Variants in COPB2 observed in about 807,000 individuals in gnomAD.
COPB2 encodes the protein coatomer subunit beta'.
A neutral mutation model predicts 120.8 loss-of-function variants in COPB2; 16 were observed. That is an observed-to-expected ratio of 0.13 (90% CI 0.09 to 0.20). The LOEUF (loss-of-function observed/expected upper bound fraction) is 0.20. Among genes scored for constraint, COPB2 ranks in the 10% least tolerant of loss-of-function variants. The pLI is 1.00. For missense variants in COPB2, 794 were observed against 1,076.5 expected, an observed-to-expected ratio of 0.74 and a Z score of 3.67; for synonymous variants, 332 against 366.3, an observed-to-expected ratio of 0.91 and a Z score of 1.07.
At chr3:139,389,422 C>T in intron 1 of COPB2, 126 bp downstream of exon 1, 1 of 1,339,620 alleles carries the variant, frequency 7.5e-7, no homozygotes, top group South Asian at 2.1e-5. Context: ...CAAGACCCCG[C>T]AAGGCCTGAG....
At position 139,361,297 on chromosome 3, in the gene COPB2, T is replaced by C. The variant is rs1266904698; in HGVS notation, c.1996-2A>G. The C allele has an allele frequency of 6.2e-7, 1 of 1,611,766 alleles. No homozygotes were observed. Among genetic ancestry groups the C allele is most frequent in the Non-Finnish European group, 8.5e-7 (1 of 1,178,528 alleles). ...AAGTTGTTTCCACTTCTGTTCTGAC[T>C]GTAAGAAAAGAGTTTCCAAGTTAAA... On this transcript the variant is annotated splice_acceptor_variant, in intron 16 of 21. Coordinates refer to ENST00000333188, the MANE Select transcript of COPB2 (RefSeq NM_004766.3). LOFTEE classifies it high-confidence loss of function.
chr3:139,368,358 G>C (rs1369920305), intron 12 of COPB2, 70 bp from the exon 13 acceptor site: 3 of 1,450,320 alleles, frequency 2.1e-6, no homozygotes, highest in Non-Finnish European at 2.8e-6. Context: ...GCACATACTT[G>C]GTTTCTTACA....
chr3:139,375,442 G>A, intron 6 of COPB2, 26 bp downstream of exon 6: 1 of 1,598,330 alleles, frequency 6.3e-7, no homozygotes, highest in South Asian at 1.1e-5. Flanking sequence ...TCTAACATAT[G>A]GAAGTAAGGT....
intron 12 of COPB2, 132 bp downstream of exon 12, chr3:139,369,129 G>C: frequency 1.6e-6 from 1 of 615,296 alleles, no homozygotes; most frequent in Non-Finnish European, 2.8e-6. Flanking sequence ...TCTAAGTGCT[G>C]TTTTATATTT....
At chr3:139,388,367 T>G (rs1207018059) in intron 1 of COPB2, 2 of 129,854 alleles carry the variant, frequency 1.5e-5, no homozygotes, top group African/African-American at 5.7e-5. Context: ...ATATTTTTTA[T>G]AAAACAAATT....
At chr3:139,358,667 C>G in intron 20 of COPB2, 77 bp downstream of exon 20, 2 of 1,049,442 alleles carry the variant, frequency 1.9e-6, no homozygotes, top group Non-Finnish European at 2.9e-6. Context: ...GGCAATGGAG[C>G]GAAACTCTGT....
At chr3:139,361,947 G>A (rs1031554329) in intron 16 of COPB2, among the ~76,000 whole-genome samples, 6 of 152,188 alleles carry the variant, frequency 3.9e-5, no homozygotes, top group Admixed American at 3.3e-4. Context: ...GCTGCTGAAG[G>A]TGAGTGCCAC....
At chr3:139,379,553 T>G in intron 2 of COPB2, 87 bp from the exon 3 acceptor site, 1 of 1,051,344 alleles carries the variant, frequency 9.5e-7, no homozygotes, top group Non-Finnish European at 1.4e-6. Context: ...ATCCAATTTT[T>G]AAGATCACTT....
chr3:139,374,319 TG>T, intron 7 of COPB2, 169 bp downstream of exon 7: 2 of 569,758 alleles, frequency 3.5e-6, no homozygotes, highest in Non-Finnish European at 6.3e-6. Flanking sequence ...ATGATGATGA[TG>T]ATGATGATGA....
intron 17 of COPB2, 24 bp from the exon 18 acceptor site, chr3:139,359,386 C>T: frequency 6.2e-7 from 1 of 1,602,662 alleles, no homozygotes. Flanking sequence ...AGGAGAGGTA[C>T]TGTTACCAAG....
intron 15 of COPB2, among the ~76,000 whole-genome samples, chr3:139,363,413 G>A (rs1407628167): frequency 1.3e-5 from 2 of 152,154 alleles, no homozygotes; most frequent in Non-Finnish European, 2.9e-5. Context: ...CTCTTTATGA[G>A]ACTCTTAATG....
intron 2 of COPB2, chr3:139,382,755 A>C (rs1011821169): frequency 1.2e-5 from 2 of 167,824 alleles, no homozygotes; most frequent in African/African-American, 4.8e-5. Flanking sequence ...GGAAAATATG[A>C]GACAAACTAA....
At chr3:139,366,800 T>C in intron 14 of COPB2, 25 bp from the exon 15 acceptor site, 1 of 1,605,430 alleles carries the variant, frequency 6.2e-7, no homozygotes, top group South Asian at 1.1e-5. Context: ...GAAACCAAGT[T>C]AGAAATTCAA....
Position 139,371,725 on chromosome 3 carries a change from T to A in COPB2, c.1203A>T (p.Ser401=). 6.2e-7 allele frequency: 1 copy of A among 1,613,424 alleles called. No individual in the cohort carries two copies. Among genetic ancestry groups the A allele is most frequent in the African/African-American group, 1.3e-5 (1 of 74,996 alleles). ...GCTATCATACAATCAAAACTTACTC[T>A]GAAGAATCGTGGGCCCATGCAAACT... The part of the protein sequence containing the change: ...AQEFAWAHDS[S]EYAIRESNSI... The change falls in exon 10 of 22, where the codon TCA becomes TCT. Residue 401 remains serine, a splice_region_variant and synonymous_variant. Coordinates refer to ENST00000333188, the MANE Select transcript of COPB2 (RefSeq NM_004766.3).
In COPB2 at chr3:139,389,605, T is replaced by C; in HGVS notation, c.-55A>G. The C allele has an allele frequency of 6.6e-7, 1 of 1,526,606 alleles. No homozygotes were observed. The highest frequency in any genetic ancestry group is 1.7e-4 in the Middle Eastern group (1 of 5,784). 94.6% of individuals were successfully genotyped at this position (1,526,606 alleles called of 1,614,324 possible). ...CGTTTGTTACCGGCTACTCAGGCCTTGAGATAAACCCACCGATCCACTGAC... is the reference window on the plus strand; with the variant it reads ...CGTTTGTTACCGGCTACTCAGGCCTCGAGATAAACCCACCGATCCACTGAC... On this transcript the variant is annotated 5_prime_UTR_variant, in exon 1 of 22. Coordinates refer to ENST00000333188, the MANE Select transcript of COPB2 (RefSeq NM_004766.3).
chr3:139,366,680 A>C lies in COPB2; in HGVS notation c.1772T>G (p.Val591Gly). ...CATGACAGCTGTCTGGTATTCCAGGACTGAAACCAGCAGGGAATAGCTAAT... is the reference window on the plus strand; with the variant it reads ...CATGACAGCTGTCTGGTATTCCAGGCCTGAAACCAGCAGGGAATAGCTAAT... Reference protein sequence around the residue: ...NIISYSLLVSVLEYQTAVMRR... With the variant: ...NIISYSLLVSGLEYQTAVMRR... Residue 591 changes from valine to glycine, a missense_variant, in exon 15 of 22, where the codon GTC (valine) becomes GGC (glycine). Physicochemically the swap from Val to Gly is moderately radical, Grantham distance 109. This residue lies in a region of COPB2 where 610 missense variants were observed against 866.7 expected (regional missense o/e 0.70). Coordinates refer to ENST00000333188, the MANE Select transcript of COPB2 (RefSeq NM_004766.3). 1 of 1,614,106 alleles carries C rather than the reference A, an allele frequency of 6.2e-7. No individual in the cohort carries two copies. The highest frequency in any genetic ancestry group is 1.7e-5 in the Admixed American group (1 of 60,008).
chr3:139,363,331 T>A (rs556867722), intron 15 of COPB2, among the ~76,000 whole-genome samples: 6 of 152,322 alleles, frequency 3.9e-5, no homozygotes, highest in Admixed American at 2.0e-4. Flanking sequence ...ACTCCGCCTG[T>A]AACGGCATTA....
intron 12 of COPB2, 93 bp downstream of exon 12, chr3:139,369,168 G>C (rs1240702839): frequency 1.2e-6 from 1 of 827,378 alleles, no homozygotes; most frequent in Non-Finnish European, 1.9e-6. Context: ...CGAAGAGGGA[G>C]AGCAGGGTAC....
At chr3:139,378,504 A>G (rs1941756104) in intron 4 of COPB2, among the ~76,000 whole-genome samples, 1 of 152,254 alleles carries the variant, frequency 6.6e-6, no homozygotes, top group African/African-American at 2.4e-5. Context: ...AGATCTAAGC[A>G]TGACTGAATA....
Sources: allele counts gnomAD v4.1 joint callset (sites outside exome capture counted in the v4.1 genomes callset), GRCh38; gene constraint gnomAD v4.1.1; regional missense constraint gnomAD v4.1.1; transcripts MANE v1.5; gene names NCBI Gene and HGNC (gene_info 2026-07-23, HGNC 2026-07-21).